The following ANO3 variants were observed in gnomAD, a reference collection of about 807,000 sequenced individuals.
ANO3 encodes the protein anoctamin 3.
Under a neutral mutation model 144.8 loss-of-function variants are expected in ANO3, and 99 were observed. The observed-to-expected ratio is 0.68, with a 90% confidence interval of 0.58 to 0.81. The LOEUF (loss-of-function observed/expected upper bound fraction) is 0.81, where lower values mean the gene tolerates loss of function less well. Ranked by LOEUF, ANO3 falls within the 30% of genes least tolerant of loss-of-function variation. The pLI, the probability that ANO3 is intolerant of heterozygous loss-of-function variation, is 0.00. For missense variants in ANO3, 905 were observed against 1,202.2 expected (o/e 0.75, Z 3.66); for synonymous variants, 414 against 392.6 (o/e 1.05, Z -0.64).
At chr11:26,587,437 C>T (rs1170632907) in intron 14 of ANO3, among the ~76,000 whole-genome samples, 1 of 152,100 alleles carries the variant, frequency 6.6e-6, no homozygotes, top group African/African-American at 2.4e-5. Context: ...AAATAGAAGC[C>T]CTTTCTCCTT....
At chr11:26,579,982 T>G (rs1414951689) in intron 14 of ANO3, among the ~76,000 whole-genome samples, 1 of 151,952 alleles carries the variant, frequency 6.6e-6, no homozygotes, top group Non-Finnish European at 1.5e-5. Context: ...TAGCCATTCA[T>G]GAGAAGAGAT....
intron 14 of ANO3, among the ~76,000 whole-genome samples, chr11:26,572,474 C>T (rs2134293212): frequency 6.6e-6 from 1 of 152,040 alleles, no homozygotes; most frequent in Admixed American, 6.6e-5. Flanking sequence ...CTGACATGTG[C>T]TGGGCCCCCT....
intron 13 of ANO3, among the ~76,000 whole-genome samples, chr11:26,555,752 C>T (rs2134235706): frequency 6.6e-6 from 1 of 152,166 alleles, no homozygotes; most frequent in South Asian, 2.1e-4. Context: ...GGATGGAAAT[C>T]AACAGTCTAT....
At chr11:26,230,797 C>CAAAAAAAAAAA (rs1168180646) in intron 1 of ANO3, among the ~76,000 whole-genome samples, 1 of 11,326 alleles carries the variant, frequency 8.8e-5, no homozygotes, top group African/African-American at 1.8e-4. Flanking sequence ...ACTCCATCTC[C>CAAAAAAAAAAA]AAAAAAAAAA....
At chr11:26,534,593 C>A (rs755807335) in intron 9 of ANO3, 31 bp downstream of exon 9, 2 of 1,438,662 alleles carry the variant, frequency 1.4e-6, no homozygotes, top group South Asian at 1.2e-5. Flanking sequence ...CAGAGTAGAA[C>A]TTGCTGTTAC....
intron 4 of ANO3, among the ~76,000 whole-genome samples, chr11:26,489,914 A>G (rs1480969675): frequency 6.6e-6 from 1 of 152,220 alleles, no homozygotes. Flanking sequence ...TCTTGTTCAA[A>G]TGAGACTGGA....
Position 26,564,692 on chromosome 11 carries a change from T to TACAC in ANO3, c.1447+4951_1447+4954dup, listed in dbSNP as rs370277580. On this transcript the variant is annotated intron_variant, in intron 14 of 26. Transcript: ENST00000256737. ...ACTCATATATATATACTCATATATA[T>TACAC]ACACACACACACACACACACACACA... Among the ~76,000 whole-genome samples, 118 of 41,106 alleles carry TACAC rather than the reference T, an allele frequency of 2.9e-3. 1 individual carries two copies. The highest frequency in any genetic ancestry group is 0.011 in the East Asian group (12 of 1,090). 27.0% of individuals were successfully genotyped at this position (41,106 alleles called of 152,430 possible).
intron 1 of ANO3, among the ~76,000 whole-genome samples, chr11:26,192,007 A>G (rs1851487991): frequency 6.6e-6 from 1 of 152,210 alleles, no homozygotes; most frequent in Non-Finnish European, 1.5e-5. Context: ...GATTAAATAA[A>G]TAACCAAATA....
intron 1 of ANO3, among the ~76,000 whole-genome samples, chr11:26,198,885 C>T (rs1851638717): frequency 6.6e-6 from 1 of 152,178 alleles, no homozygotes; most frequent in Non-Finnish European, 1.5e-5. Flanking sequence ...ACTTCTGTCA[C>T]TTGCAACAGT....
At chr11:26,308,450 C>T (rs1235385266), upstream of ANO3, among the ~76,000 whole-genome samples, 1 of 152,164 alleles carries the variant, frequency 6.6e-6, no homozygotes, top group Non-Finnish European at 1.5e-5. Context: ...GACTGCACAT[C>T]ATTATTCATT....
chr11:26,196,680 T>C (rs1400132609), intron 1 of ANO3, among the ~76,000 whole-genome samples: 2 of 152,172 alleles, frequency 1.3e-5, no homozygotes, highest in Admixed American at 1.3e-4. Context: ...AATTCCCTCA[T>C]ATACTTTTAT....
intron 1 of ANO3, among the ~76,000 whole-genome samples, chr11:26,256,947 A>T (rs1473072181): frequency 6.6e-6 from 1 of 152,090 alleles, no homozygotes; most frequent in East Asian, 1.9e-4. Context: ...GAAGCTAGAA[A>T]TGCTGCTAAA....
At chr11:26,211,015 C>T (rs1201518800) in intron 1 of ANO3, among the ~76,000 whole-genome samples, 2 of 151,984 alleles carry the variant, frequency 1.3e-5, no homozygotes, top group Non-Finnish European at 2.9e-5. Flanking sequence ...ATCTAATAGA[C>T]ATCGACACAA....
At chr11:26,356,269 G>A (rs747984613) in intron 1 of ANO3, among the ~76,000 whole-genome samples, 89 of 151,904 alleles carry the variant, frequency 5.9e-4, no homozygotes, top group Non-Finnish European at 2.4e-4. Context: ...TAAACTACAC[G>A]TACTTAAAAG....
intron 3 of ANO3, among the ~76,000 whole-genome samples, chr11:26,448,299 C>CA (rs11401959): frequency 0.86 from 113,370 of 132,366 alleles, 48,579 homozygotes; most frequent in East Asian, 0.96. Flanking sequence ...AACTCCGTCT[C>CA]AAAAAAAAAA....
At chr11:26,656,341 C>T (rs1554986145) in intron 25 of ANO3, 35 bp from the exon 26 acceptor site, 1 of 1,520,626 alleles carries the variant, frequency 6.6e-7, no homozygotes, top group Non-Finnish European at 9.1e-7. Flanking sequence ...TCTTTGATCT[C>T]TATTTGTCAT....
intron 17 of ANO3, among the ~76,000 whole-genome samples, chr11:26,603,573 C>G (rs569812658): frequency 1.3e-4 from 20 of 152,014 alleles, no homozygotes; most frequent in Non-Finnish European, 2.2e-4. Context: ...ATCATATAAA[C>G]TATTAAAATG....
At chr11:26,619,972 A>G (rs1202909001) in intron 17 of ANO3, among the ~76,000 whole-genome samples, 1 of 152,220 alleles carries the variant, frequency 6.6e-6, no homozygotes, top group African/African-American at 2.4e-5. Context: ...TTAAATTACA[A>G]ATAATTTTAT....
intron 1 of ANO3, among the ~76,000 whole-genome samples, chr11:26,242,977 T>G (rs1286190691): frequency 6.6e-6 from 1 of 152,172 alleles, no homozygotes; most frequent in Non-Finnish European, 1.5e-5. Flanking sequence ...CATCATCACT[T>G]AAGGAGCTTG....
Sources: gnomAD v4.1 joint callset for allele counts (sites outside exome capture counted in the v4.1 genomes callset) on GRCh38, gnomAD v4.1.1 for gene constraint, MANE v1.5 for transcripts, NCBI Gene and HGNC (gene_info 2026-07-23, HGNC 2026-07-21) for gene names.